The following CENPP variants were observed in gnomAD, a reference collection of about 807,000 sequenced individuals.
CENPP encodes centromere protein P.
In CENPP, 24 loss-of-function variants were observed where a neutral mutation model predicts 35.6. The ratio of observed to expected loss-of-function variants is 0.67; its 90% confidence interval spans 0.49 to 0.95. The LOEUF (loss-of-function observed/expected upper bound fraction) is 0.95. CENPP is among the 40% of genes least tolerant of loss of function. The pLI is 0.00. For synonymous variants in CENPP, 120 were observed against 125.5 expected (o/e 0.96, Z 0.29); for missense variants, 332 against 345.3 (o/e 0.96, Z 0.31).
At chr9:92,441,174 G>A (rs1844377817) in intron 5 of CENPP, among the ~76,000 whole-genome samples, 1 of 152,176 alleles carries the variant, frequency 6.6e-6, no homozygotes, top group Non-Finnish European at 1.5e-5. Flanking sequence ...TACATGGTAT[G>A]TAACTACAGT....
intron 5 of CENPP, among the ~76,000 whole-genome samples, chr9:92,585,882 G>T (rs570589964): frequency 2.0e-4 from 31 of 152,268 alleles, no homozygotes; most frequent in Admixed American, 1.6e-3. Context: ...GGTGTAGCTT[G>T]CTTGGTACAA....
At chr9:92,460,330 G>T in intron 5 of CENPP, 1 of 530,744 alleles carries the variant, frequency 1.9e-6, no homozygotes, top group Non-Finnish European at 3.3e-6. Context: ...CACCACACCC[G>T]GCCAATTGTG....
At position 92,593,913 on chromosome 9, in the gene CENPP, T is replaced by G. The variant is rs997775073; in HGVS notation, c.565-17401T>G. Among the ~76,000 whole-genome samples the G allele has an allele frequency of 6.6e-6, 1 of 152,128 alleles. No individual in the cohort carries two copies. The highest frequency in any genetic ancestry group is 2.4e-5 in the African/African-American group (1 of 41,436). Reference sequence around the variant, plus strand: ...CACTTTGCTACCTTTCTCACGAATCTCAAAGGTAATATGATATCCTGGATG... The same window carrying G: ...CACTTTGCTACCTTTCTCACGAATCGCAAAGGTAATATGATATCCTGGATG... On this transcript the variant is annotated intron_variant, in intron 5 of 7. Transcript: ENST00000375587. The surrounding 1 kb of genome is among the most constrained non-coding windows in gnomAD (Gnocchi z 4.1).
chr9:92,374,350 A>G (rs1333115649), intron 4 of CENPP, among the ~76,000 whole-genome samples: 1 of 151,596 alleles, frequency 6.6e-6, no homozygotes, highest in Non-Finnish European at 1.5e-5. Context: ...GATTACAGGC[A>G]TGTGCCACCA....
intron 5 of CENPP, among the ~76,000 whole-genome samples, chr9:92,471,303 TCTC>T (rs1379302593): frequency 2.0e-5 from 3 of 151,972 alleles, no homozygotes; most frequent in African/African-American, 7.3e-5. Flanking sequence ...TTCCAGCAGT[TCTC>T]CTGCCTCAGC....
chr9:92,432,313 G>A (rs12353466), intron 5 of CENPP, among the ~76,000 whole-genome samples: 7,060 of 150,830 alleles, frequency 0.047, 548 homozygotes, highest in African/African-American at 0.16. Flanking sequence ...CGACAAGAGC[G>A]AAACTCCATC....
chr9:92,577,545 A>G (rs1367019242), intron 5 of CENPP, among the ~76,000 whole-genome samples: 1 of 152,208 alleles, frequency 6.6e-6, no homozygotes, highest in Admixed American at 6.5e-5. Context: ...ATGTTTTATG[A>G]TTCTATATAC....
chr9:92,518,268 T>A (rs1402657387), intron 5 of CENPP, among the ~76,000 whole-genome samples: 1 of 152,244 alleles, frequency 6.6e-6, no homozygotes, highest in Non-Finnish European at 1.5e-5. Flanking sequence ...AGGATTCATC[T>A]ATAAGCAGGC....
At chr9:92,376,978 G>C (rs965824268) in intron 4 of CENPP, among the ~76,000 whole-genome samples, 1 of 151,882 alleles carries the variant, frequency 6.6e-6, no homozygotes, top group Admixed American at 6.6e-5. Context: ...CCAGGAAGCG[G>C]AGGTTTTGGT....
rs151335189 is a variant in CENPP at position 92,573,117 on chromosome 9, G to A, written c.565-38197G>A. ...TCTCAACTCGTCAAAGTCATTCTCC[G>A]TCCAGCTTTGTTCCCTTGCTGGCGA... On this transcript the variant is annotated intron_variant, in intron 5 of 7. Transcript: ENST00000375587. Among the ~76,000 whole-genome samples the A allele has an allele frequency of 3.0e-3, 459 of 152,244 alleles. 2 individuals carry two copies. Among genetic ancestry groups the A allele is most frequent in the African/African-American group, 0.01 (418 of 41,530 alleles).
intron 5 of CENPP, among the ~76,000 whole-genome samples, chr9:92,381,556 C>T (rs758887474): frequency 2.0e-5 from 3 of 152,164 alleles, no homozygotes; most frequent in Non-Finnish European, 4.4e-5. Flanking sequence ...GCCCAGTGCC[C>T]TCCCCCTGCC....
At position 92,405,971 on chromosome 9, in the gene CENPP, A is replaced by C. The variant is rs113614343; in HGVS notation, c.564+26112A>C. On this transcript the variant is annotated intron_variant, in intron 5 of 7. Coordinates refer to ENST00000375587, the MANE Select transcript of CENPP (RefSeq NM_001012267.3). ...TTTATAGCCTCTAAGTCAGCAGGAA[A>C]AGCAGCAAACAAGCAACTAGAATCC... Among the ~76,000 whole-genome samples the C allele has an allele frequency of 5.3e-3, 811 of 152,294 alleles. 7 individuals carry two copies. The highest frequency in any genetic ancestry group is 0.019 in the African/African-American group (769 of 41,562).
intron 5 of CENPP, among the ~76,000 whole-genome samples, chr9:92,388,968 C>T (rs1216497251): frequency 6.6e-6 from 1 of 151,720 alleles, no homozygotes; most frequent in Non-Finnish European, 1.5e-5. Context: ...ATAAAGATAC[C>T]TTAATTGTAA....
chr9:92,595,543 GTTTTTTGTTTTTT>G (rs1414074914), intron 5 of CENPP, among the ~76,000 whole-genome samples: 107 of 151,482 alleles, frequency 7.1e-4, no homozygotes, highest in African/African-American at 2.5e-3. Context: ...AGTCTGCTCA[GTTTTTTGTTTTTT>G]GTTTTTGTTT....
chr9:92,505,545 A>G lies in CENPP; in HGVS notation c.565-105769A>G, dbSNP rs148225586. On this transcript the variant is annotated intron_variant, in intron 5 of 7. Coordinates refer to ENST00000375587, the MANE Select transcript of CENPP (RefSeq NM_001012267.3). ...AATATATTGTTACCTCAATAGAACC[A>G]GGAAGACCCTGCGGTATAATTCTAA... 305 of 1,599,832 alleles carry G rather than the reference A, an allele frequency of 1.9e-4. 1 individual carries two copies. The highest frequency in any genetic ancestry group is 2.4e-4 in the Non-Finnish European group (284 of 1,176,554).
rs141940266 is a variant in CENPP, at chr9:92,378,322, A to G, written c.468-1441A>G. 2.9e-3 allele frequency among the ~76,000 whole-genome samples: 445 copies of G among 152,218 alleles called. 2 individuals are homozygous for G. Among genetic ancestry groups the G allele is most frequent in the African/African-American group, 0.01 (420 of 41,532 alleles). Reference sequence around the variant, plus strand: ...CCAGGCCTGTTTCTTCTCATTTTGCATGATCTCCGTTGGTTAGAGGGAATG... The same window carrying G: ...CCAGGCCTGTTTCTTCTCATTTTGCGTGATCTCCGTTGGTTAGAGGGAATG... On this transcript the variant is annotated intron_variant, in intron 4 of 7. Transcript: ENST00000375587.
At chr9:92,510,664 G>T (rs1847277983) in intron 5 of CENPP, among the ~76,000 whole-genome samples, 1 of 152,196 alleles carries the variant, frequency 6.6e-6, no homozygotes, top group South Asian at 2.1e-4. Context: ...GGGGACCTGT[G>T]GTTGGGTAGG....
chr9:92,352,503 G>GTATATATATATATA (rs1554753073), intron 4 of CENPP, among the ~76,000 whole-genome samples: 3 of 68,990 alleles, frequency 4.3e-5, no homozygotes, highest in South Asian at 4.4e-4. Context: ...GTGTGTGTGT[G>GTATATATATATATA]TGTATACATA....
At chr9:92,406,287 C>G (rs1204194054) in intron 5 of CENPP, among the ~76,000 whole-genome samples, 1 of 151,886 alleles carries the variant, frequency 6.6e-6, no homozygotes, top group Non-Finnish European at 1.5e-5. Flanking sequence ...TTAAGAGATG[C>G]GACTAGACAG....
Sources: gnomAD v4.1 joint callset for allele counts (sites outside exome capture counted in the v4.1 genomes callset) on GRCh38, gnomAD v4.1.1 for gene constraint, Gnocchi (gnomAD v3.1) non-coding constraint, MANE v1.5 for transcripts, NCBI Gene and HGNC (gene_info 2026-07-23, HGNC 2026-07-21) for gene names.